CUL2: variants seen among roughly 807,000 people sequenced by gnomAD.
The protein encoded by CUL2 is cullin-2.
A neutral mutation model predicts 110.2 loss-of-function variants in CUL2; 22 were observed. The observed-to-expected ratio is 0.20, with a 90% CI of 0.14 to 0.28. The LOEUF (loss-of-function observed/expected upper bound fraction) is 0.28. Ranked by LOEUF, CUL2 falls within the 10% of genes least tolerant of loss-of-function variation. The probability of loss-of-function intolerance (pLI) is 1.00; values close to 1 mark genes in which losing one functional copy is unlikely to be tolerated. For missense variants in CUL2, 631 were observed against 905.5 expected, an observed-to-expected ratio of 0.70 and a Z score of 3.89; for synonymous variants, 279 against 293.2, an observed-to-expected ratio of 0.95 and a Z score of 0.49.
At chr10:35,078,865 T>G (rs754150305) in intron 1 of CUL2, among the ~76,000 whole-genome samples, 10 of 152,162 alleles carry the variant, frequency 6.6e-5, no homozygotes, top group African/African-American at 9.7e-5. Flanking sequence ...AAATTTGGCA[T>G]CCAAAAATTA....
intron 1 of CUL2, among the ~76,000 whole-genome samples, chr10:35,076,723 T>C (rs1016866640): frequency 7.9e-5 from 12 of 152,176 alleles, no homozygotes; most frequent in Non-Finnish European, 1.8e-4. Context: ...GGTATACTAT[T>C]CAGATTGTTA....
chr10:35,089,655 A>G (rs2087153909), intron 1 of CUL2, among the ~76,000 whole-genome samples: 1 of 152,212 alleles, frequency 6.6e-6, no homozygotes, highest in Non-Finnish European at 1.5e-5. Context: ...AGGGTAAGCA[A>G]GTGCTAGAAA....
At position 35,010,336 on chromosome 10, in the gene CUL2, G is replaced by A; in HGVS notation, c.2213C>T (p.Ala738Val). 6.2e-7 allele frequency: 1 copy of A among 1,611,134 alleles called. No individual in the cohort carries two copies. The highest frequency in any genetic ancestry group is 8.5e-7 in the Non-Finnish European group (1 of 1,178,710). Residue 738 changes from alanine (A) to valine (V), a missense_variant, in exon 21 of 21, where the codon GCA becomes GTA. By Grantham distance (64) the Ala-to-Val change is moderately conservative. This residue lies in a region of CUL2 where 159 missense variants were observed against 202.7 expected (regional missense o/e 0.78). Coordinates refer to ENST00000374749, the MANE Select transcript of CUL2 (RefSeq NM_003591.4). The stretch of plus-strand genomic sequence containing the variant: ...TCACGCGACGTAGCTGTATTCATCT[G>A]CCGACGCCTGGCTGCGTTCTATGTA... ...KQYIERSQAS[A>V]DEYSYVA
At chr10:35,108,998 C>T (rs985988543) in intron 1 of CUL2, among the ~76,000 whole-genome samples, 8 of 152,098 alleles carry the variant, frequency 5.3e-5, no homozygotes, top group African/African-American at 1.7e-4. Flanking sequence ...GGACCACCTG[C>T]GCTCAGGAGT....
chr10:35,045,047 A>G (rs1207651678), intron 6 of CUL2, among the ~76,000 whole-genome samples, 179 bp from the exon 7 acceptor site: 1 of 152,228 alleles, frequency 6.6e-6, no homozygotes. Context: ...CTGAGTTAAT[A>G]TTCATGATAG....
intron 2 of CUL2, among the ~76,000 whole-genome samples, chr10:35,098,511 A>C (rs762386636): frequency 1.9e-4 from 29 of 152,204 alleles, no homozygotes; most frequent in Non-Finnish European, 3.1e-4. Flanking sequence ...GCTTGAGGTC[A>C]GGAGTTCAAG....
At chr10:35,095,551 T>TTG (rs1018573829), upstream of CUL2, among the ~76,000 whole-genome samples, 83 of 151,880 alleles carry the variant, frequency 5.5e-4, no homozygotes, top group African/African-American at 6.3e-4. Context: ...AATAATTATT[T>TTG]TGTGTGTGTG....
At chr10:35,050,757 C>A (rs918581964) in intron 5 of CUL2, among the ~76,000 whole-genome samples, 4 of 152,164 alleles carry the variant, frequency 2.6e-5, no homozygotes. Flanking sequence ...TCTGTGATTC[C>A]TATTTTCTGC....
At chr10:35,047,194 G>A (rs1474950313) in intron 6 of CUL2, among the ~76,000 whole-genome samples, 1 of 152,094 alleles carries the variant, frequency 6.6e-6, no homozygotes, top group Non-Finnish European at 1.5e-5. Flanking sequence ...TCTATTCACT[G>A]TAAAAGAAAG....
chr10:35,126,353 T>G (rs965879674), intron 1 of CUL2, among the ~76,000 whole-genome samples: 1 of 152,200 alleles, frequency 6.6e-6, no homozygotes, highest in African/African-American at 2.4e-5. Context: ...GGAGAAGGAC[T>G]CAACCAGCTG....
chr10:35,045,654 C>T lies in CUL2; in HGVS notation c.507-786G>A, dbSNP rs1030940914. Among the ~76,000 whole-genome samples, 4 of 151,808 alleles carry T rather than the reference C, an allele frequency of 2.6e-5. No homozygotes were observed. In the East Asian group the frequency reaches 7.8e-4, roughly 29 times the overall value. On this transcript the variant is annotated intron_variant, in intron 6 of 20. Coordinates refer to ENST00000374749, the MANE Select transcript of CUL2 (RefSeq NM_003591.4). Reference sequence around the variant, plus strand: ...CGTTTGAGCCCAGGAGGAGTCGAGGCTACAGTGAGCCACGATTGCACCACT... The same window carrying T: ...CGTTTGAGCCCAGGAGGAGTCGAGGTTACAGTGAGCCACGATTGCACCACT...
At chr10:35,070,000 C>A (rs1006438951) in intron 2 of CUL2, among the ~76,000 whole-genome samples, 4 of 152,180 alleles carry the variant, frequency 2.6e-5, no homozygotes, top group Non-Finnish European at 5.9e-5. Flanking sequence ...TCTAGATATA[C>A]TGGAAAGCAT....
At position 35,035,259 on chromosome 10, in the gene CUL2, G is replaced by C; in HGVS notation, c.915C>G (p.Ser305=). 1 of 1,614,082 alleles carries C rather than the reference G, an allele frequency of 6.2e-7. No individual in the cohort carries two copies. Among genetic ancestry groups the C allele is most frequent in the Non-Finnish European group, 8.5e-7 (1 of 1,179,976 alleles). ...ANMYVLLRAV[S]TGLPHMIQEL... ...CCTGAATCATATGAGGTAAACCAGT[G>C]GACACAGCACGGAGTAAGACGTACA... The change falls in exon 10 of 21, where the codon TCC becomes TCG. Residue 305 remains serine (S), a synonymous_variant. Coordinates refer to ENST00000374749, the MANE Select transcript of CUL2 (RefSeq NM_003591.4).
intron 2 of CUL2, among the ~76,000 whole-genome samples, chr10:35,067,504 C>CT (rs1236649478): frequency 1.3e-5 from 2 of 152,012 alleles, no homozygotes; most frequent in African/African-American, 4.8e-5. Context: ...AATCTCAGAA[C>CT]TTTAGGAGGC....
At chr10:35,124,409 C>T (rs2087714489) in intron 1 of CUL2, among the ~76,000 whole-genome samples, 1 of 151,212 alleles carries the variant, frequency 6.6e-6, no homozygotes, top group Non-Finnish European at 1.5e-5. Context: ...GACTCCATGT[C>T]TACATATAAA....
At chr10:35,077,886 G>A (rs1271944758) in intron 1 of CUL2, among the ~76,000 whole-genome samples, 1 of 149,962 alleles carries the variant, frequency 6.7e-6, no homozygotes, top group Non-Finnish European at 1.5e-5. Flanking sequence ...ATGATATGCT[G>A]TCTGAAATCT....
intron 1 of CUL2, among the ~76,000 whole-genome samples, chr10:35,119,352 C>G: frequency 6.6e-6 from 1 of 152,100 alleles, no homozygotes; most frequent in East Asian, 1.9e-4. Context: ...GTCCAACTCT[C>G]TATTTCTGTG....
rs534515519 is a variant in CUL2 at position 35,044,051 on chromosome 10, CAAAAAAAAAAA to C, written c.714+504_714+514del. ...GGGCACCAGAGCAAGACCACATCTC[CAAAAAAAAAAA>C]AAAAAAAAAAAAACACCTCACGTGG... On this transcript the variant is annotated intron_variant, in intron 8 of 20. Coordinates refer to ENST00000374749, the MANE Select transcript of CUL2 (RefSeq NM_003591.4). Among the ~76,000 whole-genome samples the C allele has an allele frequency of 9.1e-5, 8 of 87,814 alleles. No individual in the cohort carries two copies. The East Asian group carries it at 1.1e-3, about 12-fold the overall frequency. 57.6% of individuals were successfully genotyped at this position (87,814 alleles called of 152,430 possible).
chr10:35,105,564 C>T (rs1440955194), intron 1 of CUL2, among the ~76,000 whole-genome samples: 1 of 151,290 alleles, frequency 6.6e-6, no homozygotes, highest in Non-Finnish European at 1.5e-5. Context: ...AAAAATTTGC[C>T]GGGTGTGGTG....
Sources: gnomAD v4.1 joint callset for allele counts (sites outside exome capture counted in the v4.1 genomes callset) on GRCh38, gnomAD v4.1.1 for gene constraint, gnomAD v4.1.1 regional missense constraint, MANE v1.5 for transcripts, NCBI Gene and HGNC (gene_info 2026-07-23, HGNC 2026-07-21) for gene names.